Variants in LSAMP observed in about 807,000 individuals in gnomAD.
LSAMP encodes limbic system associated membrane protein, also known as limbic system-associated membrane protein.
A neutral mutation model predicts 38.6 loss-of-function variants in LSAMP; 7 were observed. The observed-to-expected ratio is 0.18, with a 90% CI of 0.10 to 0.34. The LOEUF (loss-of-function observed/expected upper bound fraction) is 0.34, where lower values mean the gene tolerates loss of function less well. Ranked by LOEUF, LSAMP falls within the 10% of genes least tolerant of loss-of-function variation. The pLI is 1.00. For synonymous variants in LSAMP, 154 were observed against 166.8 expected (o/e 0.92, Z 0.59); for missense variants, 313 against 420.0 (o/e 0.75, Z 2.23).
At chr3:116,228,067 G>A (rs2046362127) in intron 1 of LSAMP, among the ~76,000 whole-genome samples, 2 of 152,058 alleles carry the variant, frequency 1.3e-5, no homozygotes, top group South Asian at 4.1e-4. Context: ...AGTAGACTTT[G>A]CCTTCTAATG....
intron 3 of LSAMP, among the ~76,000 whole-genome samples, chr3:115,967,374 T>C (rs957980886): frequency 1.3e-5 from 2 of 152,214 alleles, no homozygotes; most frequent in African/African-American, 4.8e-5. Flanking sequence ...TGGATTTCAT[T>C]GTCCATATTA....
intron 1 of LSAMP, among the ~76,000 whole-genome samples, chr3:116,199,768 TA>T (rs1476865040): frequency 2.5e-5 from 3 of 118,256 alleles, no homozygotes; most frequent in African/African-American, 7.5e-5. Flanking sequence ...GTAGGATTTA[TA>T]AAAAATTTCA....
At chr3:115,889,954 AAC>A (rs1324130525) in intron 3 of LSAMP, among the ~76,000 whole-genome samples, 2 of 152,068 alleles carry the variant, frequency 1.3e-5, no homozygotes, top group Admixed American at 6.6e-5. Flanking sequence ...AACTAGCAAA[AAC>A]ACACTCTTTT....
intron 1 of LSAMP, among the ~76,000 whole-genome samples, chr3:116,428,399 A>G (rs2049233600): frequency 6.6e-6 from 1 of 152,190 alleles, no homozygotes; most frequent in Admixed American, 6.5e-5. Flanking sequence ...GGGCGGTTGC[A>G]GTAAGCTGAG....
At chr3:116,118,611 C>T (rs1395404279) in intron 1 of LSAMP, among the ~76,000 whole-genome samples, 2 of 152,234 alleles carry the variant, frequency 1.3e-5, no homozygotes, top group South Asian at 2.1e-4. Context: ...GTGTTTGATC[C>T]ATCGTCTTTC....
chr3:116,110,927 T>C (rs1371598315), intron 1 of LSAMP, among the ~76,000 whole-genome samples: 1 of 151,644 alleles, frequency 6.6e-6, no homozygotes, highest in Admixed American at 6.6e-5. Context: ...GGTGGGGCCG[T>C]TTTATAGGAT....
intron 1 of LSAMP, among the ~76,000 whole-genome samples, chr3:116,154,502 A>T (rs1017655828): frequency 2.0e-5 from 3 of 152,170 alleles, no homozygotes; most frequent in African/African-American, 7.2e-5. Context: ...AACATTTCAC[A>T]GCTTGCCATT....
At chr3:116,224,736 TCC>T (rs1412212726) in intron 1 of LSAMP, among the ~76,000 whole-genome samples, 3 of 152,094 alleles carry the variant, frequency 2.0e-5, no homozygotes, top group African/African-American at 7.2e-5. Flanking sequence ...CAATCTTAAA[TCC>T]CTGCATGGAA....
intron 3 of LSAMP, among the ~76,000 whole-genome samples, chr3:115,880,314 ACTC>A (rs1936288958): frequency 6.6e-6 from 1 of 151,638 alleles, no homozygotes. Context: ...TCCCCAAACA[ACTC>A]CTTCTTAAGA....
intron 1 of LSAMP, among the ~76,000 whole-genome samples, chr3:116,369,657 A>G (rs2048403922): frequency 6.6e-6 from 1 of 152,176 alleles, no homozygotes; most frequent in African/African-American, 2.4e-5. Context: ...GACTGGAATT[A>G]CGTCTCTCCC....
intron 3 of LSAMP, among the ~76,000 whole-genome samples, chr3:115,950,424 A>C (rs964075159): frequency 6.6e-6 from 1 of 152,160 alleles, no homozygotes; most frequent in Non-Finnish European, 1.5e-5. Context: ...AATCGGTACC[A>C]CTGCTATACA....
chr3:116,431,746 T>C (rs1211853109), intron 1 of LSAMP, among the ~76,000 whole-genome samples: 1 of 152,066 alleles, frequency 6.6e-6, no homozygotes, highest in Non-Finnish European at 1.5e-5. Context: ...TAAACATTAT[T>C]CTTCTCTTCC....
chr3:116,001,263 T>C (rs958886705), intron 3 of LSAMP, among the ~76,000 whole-genome samples: 2 of 152,214 alleles, frequency 1.3e-5, no homozygotes, highest in African/African-American at 4.8e-5. Context: ...ATAATACAAT[T>C]CTTTGAATAT....
chr3:115,846,784 A>G (rs1935173861), intron 4 of LSAMP, among the ~76,000 whole-genome samples: 1 of 152,338 alleles, frequency 6.6e-6, no homozygotes, highest in East Asian at 1.9e-4. Context: ...GGGAGGGAGC[A>G]TGCTGGTAGA....
At chr3:116,433,959 C>A (rs1360774705) in intron 1 of LSAMP, among the ~76,000 whole-genome samples, 1 of 152,110 alleles carries the variant, frequency 6.6e-6, no homozygotes, top group Admixed American at 6.6e-5. Flanking sequence ...GCTTTGGGAT[C>A]CTTCCCAAAA....
intron 1 of LSAMP, among the ~76,000 whole-genome samples, chr3:116,400,748 G>A (rs2048829474): frequency 6.6e-6 from 1 of 152,146 alleles, no homozygotes; most frequent in Admixed American, 6.5e-5. Flanking sequence ...AAAGTGCTGG[G>A]ATTACAGCGT....
At chr3:116,102,374 A>G (rs1708367264) in intron 1 of LSAMP, among the ~76,000 whole-genome samples, 1 of 152,208 alleles carries the variant, frequency 6.6e-6, no homozygotes, top group Non-Finnish European at 1.5e-5. Context: ...GCAAAAGAAA[A>G]AACTTAGAAT....
chr3:116,021,240 CTCATATT>C (rs1940629891), intron 2 of LSAMP, among the ~76,000 whole-genome samples: 1 of 152,002 alleles, frequency 6.6e-6, no homozygotes, highest in Admixed American at 6.6e-5. Context: ...GGGTCGTTTT[CTCATATT>C]CACACACTGT....
intron 1 of LSAMP, among the ~76,000 whole-genome samples, chr3:116,401,517 A>G (rs1056944226): frequency 1.3e-5 from 2 of 152,160 alleles, no homozygotes; most frequent in Non-Finnish European, 2.9e-5. Flanking sequence ...CCTGCACTTA[A>G]GCCATCCACC....
Sources: allele counts gnomAD v4.1 joint callset (sites outside exome capture counted in the v4.1 genomes callset), GRCh38; gene constraint gnomAD v4.1.1; transcripts MANE v1.5; gene names NCBI Gene and HGNC (gene_info 2026-07-23, HGNC 2026-07-21).